Variants in PREX2 observed in about 807,000 individuals in gnomAD.
PREX2 encodes phosphatidylinositol 3,4,5-trisphosphate-dependent Rac exchanger 2 protein.
Under a neutral mutation model 203.2 loss-of-function variants are expected in PREX2, and 107 were observed. The observed-to-expected ratio is 0.53, with a 90% CI of 0.45 to 0.62. The LOEUF (loss-of-function observed/expected upper bound fraction) is 0.62, where lower values mean the gene tolerates loss of function less well. Ranked by LOEUF, PREX2 falls within the 20% of genes least tolerant of loss-of-function variation. PREX2 has a pLI of 0.00. For missense variants in PREX2, 1,777 were observed against 1,955.9 expected, an observed-to-expected ratio of 0.91 and a Z score of 1.72; for synonymous variants, 672 against 663.6, an observed-to-expected ratio of 1.01 and a Z score of -0.19.
At chr8:68,100,005 T>A (rs1563545297) in intron 23 of PREX2, 162 bp downstream of exon 23, 4 of 763,486 alleles carry the variant, frequency 5.2e-6, no homozygotes, top group Non-Finnish European at 9.4e-6. Flanking sequence ...TGGCTTAACA[T>A]CCATTACCTC....
intron 26 of PREX2, among the ~76,000 whole-genome samples, 194 bp from the exon 27 acceptor site, chr8:68,118,356 A>C (rs1306206887): frequency 7.6e-6 from 1 of 131,030 alleles, no homozygotes; most frequent in Non-Finnish European, 1.6e-5. Context: ...CTCCGTCTCC[A>C]AAAAAAAAAA....
chr8:68,126,448 C>G (rs1179539366), intron 30 of PREX2, among the ~76,000 whole-genome samples: 2 of 151,992 alleles, frequency 1.3e-5, no homozygotes, highest in African/African-American at 4.8e-5. Flanking sequence ...TTTCTAAAGC[C>G]ACAAAGCTAG....
chr8:68,009,265 G>A (rs1807195483), intron 1 of PREX2, among the ~76,000 whole-genome samples: 12 of 152,092 alleles, frequency 7.9e-5, no homozygotes. Flanking sequence ...CTTTAAATTC[G>A]GGAAATGACC....
At chr8:68,144,587 TG>T (rs1811290479) in intron 33 of PREX2, among the ~76,000 whole-genome samples, 1 of 152,108 alleles carries the variant, frequency 6.6e-6, no homozygotes, top group Admixed American at 6.6e-5. Flanking sequence ...AGCAGTTTTT[TG>T]TTGATATTTT....
chr8:68,164,433 T>G (rs528430867), intron 35 of PREX2, among the ~76,000 whole-genome samples: 20 of 151,810 alleles, frequency 1.3e-4, no homozygotes, highest in African/African-American at 4.8e-4. Context: ...TGTTTGTGTG[T>G]GTGTGTACTT....
intron 34 of PREX2, among the ~76,000 whole-genome samples, chr8:68,154,467 C>T (rs962669694): frequency 6.6e-5 from 10 of 152,224 alleles, no homozygotes; most frequent in Admixed American, 2.0e-4. Flanking sequence ...TGGAATTTTA[C>T]TCTAATACAT....
intron 1 of PREX2, among the ~76,000 whole-genome samples, chr8:68,006,474 T>C (rs1807097266): frequency 6.6e-6 from 1 of 152,188 alleles, no homozygotes; most frequent in South Asian, 2.1e-4. Flanking sequence ...CAACCATTTT[T>C]ATTCCTACTC....
At chr8:68,071,240 G>A (rs1248680179) in intron 13 of PREX2, among the ~76,000 whole-genome samples, 5 of 152,110 alleles carry the variant, frequency 3.3e-5, no homozygotes, top group Non-Finnish European at 7.4e-5. Context: ...GAGTTGTCAA[G>A]AGAGAATTTA....
chr8:68,122,316 G>C (rs975571390), intron 30 of PREX2, among the ~76,000 whole-genome samples: 1 of 151,964 alleles, frequency 6.6e-6, no homozygotes, highest in African/African-American at 2.4e-5. Context: ...ATAAAATCGT[G>C]TATTTGACAG....
intron 22 of PREX2, among the ~76,000 whole-genome samples, chr8:68,098,974 A>ATATATATATATC: frequency 7.6e-6 from 1 of 131,676 alleles, no homozygotes; most frequent in Non-Finnish European, 1.6e-5. Context: ...ATATATATAT[A>ATATATATATATC]TATCTCACAT....
intron 22 of PREX2, among the ~76,000 whole-genome samples, chr8:68,099,389 T>C (rs1425445054): frequency 1.3e-5 from 2 of 152,088 alleles, no homozygotes; most frequent in African/African-American, 4.8e-5. Flanking sequence ...GCAGGGAGTC[T>C]TTGAAGTCCA....
In PREX2 at chr8:68,233,777, G is replaced by C. The variant is rs868061638; in HGVS notation, c.*2399G>C. 2 of 152,172 alleles carry C rather than the reference G, an allele frequency of 1.3e-5. No homozygotes were observed. Among genetic ancestry groups the C allele is most frequent in the African/African-American group, 4.8e-5 (2 of 41,444 alleles). The allele number at this position is 152,172 out of a possible 1,614,324, so 9.4% of individuals were successfully genotyped here. On this transcript the variant is annotated 3_prime_UTR_variant, in exon 40 of 40. Transcript: ENST00000288368. ...CCCAGTGACTTGCACAAAGTCACATGATTGACAAGGGGTAGAACCAAAATT... is the reference window on the plus strand; with the variant it reads ...CCCAGTGACTTGCACAAAGTCACATCATTGACAAGGGGTAGAACCAAAATT...
chr8:68,000,093 A>G (rs955251920), intron 1 of PREX2, among the ~76,000 whole-genome samples: 2 of 152,142 alleles, frequency 1.3e-5, no homozygotes, highest in African/African-American at 2.4e-5. Context: ...CCTACTCAAC[A>G]CAGTATTGGA....
intron 1 of PREX2, among the ~76,000 whole-genome samples, chr8:67,984,444 C>T (rs1247334694): frequency 9.2e-5 from 14 of 152,132 alleles, no homozygotes; most frequent in Non-Finnish European, 1.9e-4. Context: ...AGTATGTTAT[C>T]GCAGTGTCAT....
intron 35 of PREX2, among the ~76,000 whole-genome samples, chr8:68,163,143 CA>C (rs1335325312): frequency 6.6e-5 from 10 of 151,264 alleles, no homozygotes; most frequent in Admixed American, 5.9e-4. Flanking sequence ...AGACAACATA[CA>C]AAAAAAAGAT....
chr8:68,193,329 A>T (rs1183413898), intron 37 of PREX2, among the ~76,000 whole-genome samples: 1 of 152,224 alleles, frequency 6.6e-6, no homozygotes, highest in East Asian at 1.9e-4. Flanking sequence ...TATTTTTATC[A>T]TACTTTAAGT....
At chr8:68,222,472 A>C (rs907341708) in intron 38 of PREX2, among the ~76,000 whole-genome samples, 2 of 152,008 alleles carry the variant, frequency 1.3e-5, no homozygotes, top group African/African-American at 2.4e-5. Context: ...ATTAGATTAT[A>C]GCTCATGGAA....
At chr8:68,101,688 AGTT>A (rs1383346031) in intron 23 of PREX2, among the ~76,000 whole-genome samples, 1 of 152,178 alleles carries the variant, frequency 6.6e-6, no homozygotes, top group East Asian at 1.9e-4. Context: ...TGAAAAAGAG[AGTT>A]GTTCTACTTT....
At chr8:68,104,642 A>T (rs1161722128) in intron 23 of PREX2, among the ~76,000 whole-genome samples, 1 of 152,074 alleles carries the variant, frequency 6.6e-6, no homozygotes, top group Non-Finnish European at 1.5e-5. Flanking sequence ...TTTCAGTTAC[A>T]TTTACCATCT....
Sources: allele counts gnomAD v4.1 joint callset (sites outside exome capture counted in the v4.1 genomes callset), GRCh38; gene constraint gnomAD v4.1.1; transcripts MANE v1.5; gene names NCBI Gene and HGNC (gene_info 2026-07-23, HGNC 2026-07-21).